The following CALCR variants were observed in gnomAD, a reference collection of about 807,000 sequenced individuals.
CALCR encodes the protein calcitonin receptor.
CALCR carries 47 observed loss-of-function variants against 59.5 expected under a neutral mutation model. The ratio of observed to expected loss-of-function variants is 0.79; its 90% CI spans 0.63 to 1.01. The LOEUF (loss-of-function observed/expected upper bound fraction) is 1.01. Ranked by LOEUF, CALCR falls within the 50% of genes least tolerant of loss-of-function variation. The pLI, the probability that CALCR is intolerant of heterozygous loss-of-function variation, is 0.00. For missense variants in CALCR, 566 were observed against 597.1 expected, an observed-to-expected ratio of 0.95 and a Z score of 0.54; for synonymous variants, 213 against 211.3, an observed-to-expected ratio of 1.01 and a Z score of -0.07.
At chr7:93,560,167 T>C (rs1252691420) in intron 2 of CALCR, among the ~76,000 whole-genome samples, 1 of 152,142 alleles carries the variant, frequency 6.6e-6, no homozygotes, top group East Asian at 1.9e-4. Flanking sequence ...GACTGAACTA[T>C]GTCATACTTC....
intron 8 of CALCR, among the ~76,000 whole-genome samples, chr7:93,444,971 C>G (rs938711838): frequency 3.3e-5 from 5 of 152,096 alleles, no homozygotes; most frequent in Non-Finnish European, 7.4e-5. Context: ...AATTCGTTTA[C>G]TCAAAACCTG....
intron 2 of CALCR, among the ~76,000 whole-genome samples, chr7:93,502,934 G>C (rs1801350138): frequency 6.6e-6 from 1 of 151,836 alleles, no homozygotes; most frequent in African/African-American, 2.4e-5. Flanking sequence ...TATGCAGCAG[G>C]CACTATGAGT....
At chr7:93,476,409 G>A (rs12333799) in intron 5 of CALCR, among the ~76,000 whole-genome samples, 9,184 of 151,698 alleles carry the variant, frequency 0.061, 880 homozygotes, top group African/African-American at 0.2. Context: ...AGAAAATCCT[G>A]AAGAATTTAA....
At chr7:93,494,413 T>TC in intron 2 of CALCR, among the ~76,000 whole-genome samples, 1 of 151,500 alleles carries the variant, frequency 6.6e-6, no homozygotes, top group Non-Finnish European at 1.5e-5. Context: ...TACACATGTA[T>TC]CACAAACAGC....
At chr7:93,475,919 T>A (rs1800656959) in intron 5 of CALCR, among the ~76,000 whole-genome samples, 2 of 151,828 alleles carry the variant, frequency 1.3e-5, no homozygotes, top group African/African-American at 4.8e-5. Flanking sequence ...TATTTCTCTC[T>A]AAAATACTCT....
chr7:93,558,994 C>T (rs1413540466), intron 2 of CALCR, among the ~76,000 whole-genome samples: 1 of 152,034 alleles, frequency 6.6e-6, no homozygotes. Context: ...GAGAAAATCA[C>T]CACTTGAGTG....
At chr7:93,531,334 G>A (rs1788828805) in intron 2 of CALCR, among the ~76,000 whole-genome samples, 1 of 152,008 alleles carries the variant, frequency 6.6e-6, no homozygotes, top group South Asian at 2.1e-4. Flanking sequence ...CCTGGGCTGA[G>A]TTGTTACTAA....
At chr7:93,474,030 C>T (rs1055421064) in intron 5 of CALCR, among the ~76,000 whole-genome samples, 1 of 151,678 alleles carries the variant, frequency 6.6e-6, no homozygotes, top group African/African-American at 2.4e-5. Context: ...ACCATAGCAA[C>T]TACAATAATT....
chr7:93,518,617 A>AACCAATTAG (rs1801694777), intron 2 of CALCR, among the ~76,000 whole-genome samples: 1 of 151,902 alleles, frequency 6.6e-6, no homozygotes, highest in African/African-American at 2.4e-5. Flanking sequence ...AATTAAACCC[A>AACCAATTAG]ACCAATTAGG....
At chr7:93,483,988 T>C (rs753397397) in intron 3 of CALCR, 1 of 522,812 alleles carries the variant, frequency 1.9e-6, no homozygotes, top group Non-Finnish European at 4.0e-6. Context: ...TTCAAGTAAA[T>C]GGCGTCACAC....
At chr7:93,544,058 C>T (rs186701113) in intron 2 of CALCR, among the ~76,000 whole-genome samples, 20 of 152,004 alleles carry the variant, frequency 1.3e-4, no homozygotes, top group African/African-American at 2.4e-4. Flanking sequence ...GCATAACTTA[C>T]GACCAATCAT....
rs765079153 is a variant in CALCR, at chr7:93,438,264, G to A, written c.809C>T (p.Pro270Leu). The change falls in exon 10 of 14, where the codon CCG (proline) becomes CTG (leucine). Residue 270 changes from proline (P) to leucine (L), a missense_variant. Physicochemically the swap from Pro to Leu is moderately conservative, Grantham distance 98. Transcript: ENST00000426151. Reference sequence around the variant, plus strand: ...AGCATGGATAGTGGTTGGCACCAGCGGGAACCCTACAAATGTGAAAAGTAC... The same window carrying A: ...AGCATGGATAGTGGTTGGCACCAGCAGGAACCCTACAAATGTGAAAAGTAC... ...RWYYLLGWGFPLVPTTIHAIT... is the reference protein window; with the variant it reads ...RWYYLLGWGFLLVPTTIHAIT... 10 of 1,611,888 alleles carry A rather than the reference G, an allele frequency of 6.2e-6. No individual in the cohort carries two copies. The highest frequency in any genetic ancestry group is 1.1e-5 in the South Asian group (1 of 91,042).
chr7:93,499,338 G>T (rs988311181), intron 2 of CALCR, among the ~76,000 whole-genome samples: 1 of 151,836 alleles, frequency 6.6e-6, no homozygotes, highest in Admixed American at 6.6e-5. Flanking sequence ...GAAATACCAC[G>T]TGCTCTTCTC....
chr7:93,479,348 CTT>C lies in CALCR; in HGVS notation c.205+4_205+5del, dbSNP rs780403789. The C allele has an allele frequency of 1.2e-6, 2 of 1,604,852 alleles. No individual in the cohort carries two copies. Among genetic ancestry groups the C allele is most frequent in the Non-Finnish European group, 1.7e-6 (2 of 1,176,062 alleles). On this transcript the variant is annotated splice_donor_5th_base_variant and intron_variant, in intron 4 of 13. Coordinates refer to ENST00000426151, the MANE Select transcript of CALCR (RefSeq NM_001742.4). ...AACATATGTTCATATATATCCTTCT[CTT>C]TACCTTCTCCTTGGTATGCGGGTAA... is the stretch of plus-strand genomic sequence containing the variant.
At chr7:93,516,831 A>G (rs1801661051) in intron 2 of CALCR, among the ~76,000 whole-genome samples, 1 of 151,900 alleles carries the variant, frequency 6.6e-6, no homozygotes. Context: ...AATTGCCCAG[A>G]ATAGAGGATG....
intron 2 of CALCR, among the ~76,000 whole-genome samples, chr7:93,526,560 CTTAT>C (rs1222559088): frequency 6.6e-6 from 1 of 151,888 alleles, no homozygotes; most frequent in Non-Finnish European, 1.5e-5. Flanking sequence ...ATATGGGTTA[CTTAT>C]TTAAGTGTGG....
intron 2 of CALCR, among the ~76,000 whole-genome samples, chr7:93,519,993 A>G (rs1235078774): frequency 3.3e-5 from 5 of 152,094 alleles, no homozygotes; most frequent in Admixed American, 6.6e-5. Context: ...CAGTATGAAA[A>G]TAAACTGATA....
intron 11 of CALCR, among the ~76,000 whole-genome samples, chr7:93,437,444 C>T (rs780554300): frequency 2.0e-5 from 3 of 151,980 alleles, no homozygotes; most frequent in African/African-American, 7.2e-5. Context: ...ATTATTTAAT[C>T]TAACTTTTCC....
intron 12 of CALCR, 65 bp from the exon 13 acceptor site, chr7:93,434,359 A>G: frequency 1.8e-6 from 2 of 1,087,652 alleles, no homozygotes; most frequent in East Asian, 4.8e-5. Context: ...TTAGTAAACA[A>G]TATAATAGAC....
Sources: gnomAD v4.1 joint callset for allele counts (sites outside exome capture counted in the v4.1 genomes callset) on GRCh38, gnomAD v4.1.1 for gene constraint, MANE v1.5 for transcripts, NCBI Gene and HGNC (gene_info 2026-07-23, HGNC 2026-07-21) for gene names.